Variants in MEGF6 observed in about 807,000 individuals in gnomAD.
MEGF6 encodes multiple epidermal growth factor-like domains protein 6.
Under a neutral mutation model 207.1 loss-of-function variants are expected in MEGF6, and 184 were observed. The ratio of observed to expected loss-of-function variants is 0.89; its 90% CI spans 0.79 to 1.00. The LOEUF (loss-of-function observed/expected upper bound fraction) is 1.00. MEGF6 is among the 50% of genes least tolerant of loss of function. The pLI, the probability that MEGF6 is intolerant of heterozygous loss-of-function variation, is 0.00. For synonymous variants in MEGF6, 1,038 were observed against 910.0 expected (o/e 1.14, Z -2.53); for missense variants, 2,282 against 2,202.9 (o/e 1.04, Z -0.72).
intron 7 of MEGF6, among the ~76,000 whole-genome samples, chr1:3,512,855 C>T (rs778777750): frequency 2.5e-4 from 38 of 152,240 alleles, no homozygotes; most frequent in Non-Finnish European, 5.0e-4. Context: ...TCTGGACACA[C>T]ACCGCTGCCT....
intron 4 of MEGF6, among the ~76,000 whole-genome samples, chr1:3,567,509 G>A (rs1391537280): frequency 6.6e-6 from 1 of 151,724 alleles, no homozygotes; most frequent in Non-Finnish European, 1.5e-5. Context: ...GATCCCTCCT[G>A]CACCCCCAGC....
chr1:3,578,118 G>T (rs1004000547), intron 4 of MEGF6, among the ~76,000 whole-genome samples: 1 of 152,096 alleles, frequency 6.6e-6, no homozygotes, highest in Non-Finnish European at 1.5e-5. Context: ...CAGAGGACAC[G>T]GCCAGGAAAG....
intron 3 of MEGF6, among the ~76,000 whole-genome samples, chr1:3,584,199 GC>G (rs1643864912): frequency 6.6e-6 from 1 of 152,320 alleles, no homozygotes; most frequent in Non-Finnish European, 1.5e-5. Flanking sequence ...CCTCTTTAAT[GC>G]CCCCCACTTT....
rs767023308 is a variant in MEGF6, at chr1:3,505,532, G to A, written c.1943C>T (p.Pro648Leu). The A allele has an allele frequency of 1.9e-5, 31 of 1,591,430 alleles. No homozygotes were observed. The highest frequency in any genetic ancestry group is 3.5e-5 in the Admixed American group (2 of 57,576). ...ACACTGGCACTCCTCCGAGCAGCCC[G>A]GCCCAAAGGCCCACGGCGGGCAGGC... ...HLTCPPWAFG[P>L]GCSEECQCVQ... Residue 648 changes from proline (P) to leucine (L), a missense_variant, in exon 16 of 37, where the codon CCG becomes CTG. Coordinates refer to ENST00000356575, the MANE Select transcript of MEGF6 (RefSeq NM_001409.4).
Position 3,524,121 on chromosome 1 carries a change from C to G in MEGF6, c.604+3G>C, listed in dbSNP as rs749825020. 1.2e-6 allele frequency: 2 copies of G among 1,611,312 alleles called. No homozygotes were observed. Among genetic ancestry groups the G allele is most frequent in the East Asian group, 4.5e-5 (2 of 44,840 alleles). On this transcript the variant is annotated splice_donor_region_variant and intron_variant, in intron 5 of 36. Coordinates refer to ENST00000356575, the MANE Select transcript of MEGF6 (RefSeq NM_001409.4). ...CCAGGCAGGGTCTCCAGGCGACACT[C>G]ACCCAGGCAGGTCCTGCTGTCAGTG...
chr1:3,581,894 CCT>C (rs1157928563), intron 3 of MEGF6, among the ~76,000 whole-genome samples: 2 of 152,192 alleles, frequency 1.3e-5, no homozygotes, highest in Non-Finnish European at 2.9e-5. Flanking sequence ...TGCACACCAC[CCT>C]GTGTCCCTCC....
chr1:3,491,876 A>G (rs1238034804), intron 35 of MEGF6, among the ~76,000 whole-genome samples: 1 of 151,708 alleles, frequency 6.6e-6, no homozygotes, highest in Non-Finnish European at 1.5e-5. Context: ...GGACAGCCTC[A>G]GGGTCCTGAA....
chr1:3,579,843 C>T lies in MEGF6; in HGVS notation c.463G>A (p.Gly155Arg), dbSNP rs749475980. ...CACTCACCATACTGACAGCGGGGTCCCTGGAAGCCGGGGGGACAGTGACAC... is the reference window on the plus strand; with the variant it reads ...CACTCACCATACTGACAGCGGGGTCTCTGGAAGCCGGGGGGACAGTGACAC... Reference protein sequence around the residue: ...QPCHCPPGFQGPRCQYDVDEC... With the variant: ...QPCHCPPGFQRPRCQYDVDEC... Residue 155 changes from glycine to arginine, a missense_variant, in exon 4 of 37, where the codon GGA becomes AGA. Coordinates refer to ENST00000356575, the MANE Select transcript of MEGF6 (RefSeq NM_001409.4). The T allele has an allele frequency of 2.0e-6, 3 of 1,529,368 alleles. No individual in the cohort carries two copies. The highest frequency in any genetic ancestry group is 2.3e-5 in the Admixed American group (1 of 43,344). The allele number at this position is 1,529,368 out of a possible 1,614,324, so 94.7% of individuals were successfully genotyped here. A position where few individuals can be genotyped will look rare whatever the true frequency, so the allele number is the denominator to read the frequency against.
intron 5 of MEGF6, among the ~76,000 whole-genome samples, chr1:3,518,070 G>A (rs890378010): frequency 6.6e-6 from 1 of 152,222 alleles, no homozygotes; most frequent in Non-Finnish European, 1.5e-5. Context: ...CAGATCAGAT[G>A]CAACTGACTG....
rs560689472 is a variant in MEGF6, at chr1:3,557,382, C to T, written c.481+22443G>A. Among the ~76,000 whole-genome samples the T allele has an allele frequency of 3.3e-5, 5 of 152,322 alleles. No individual in the cohort carries two copies. The East Asian group carries it at 7.7e-4, about 24-fold the overall frequency. ...CCCGCAGAGCTCTGCAGGCTGCTCC[C>T]GGCTGCAGCTGCCCTTGGCTCCCAG... On this transcript the variant is annotated intron_variant, in intron 4 of 36. Transcript: ENST00000356575.
intron 36 of MEGF6, 63 bp from the exon 37 acceptor site, chr1:3,490,652 G>A: frequency 6.4e-7 from 1 of 1,561,296 alleles, no homozygotes; most frequent in Non-Finnish European, 8.7e-7. Context: ...AACAGACTGG[G>A]TTCTGGGTTG....
rs1016930933 is a variant in MEGF6, at chr1:3,521,068, G to A, written c.604+3056C>T. ...AACCGCAGAGCCTCAAGCCCGTGGG[G>A]GCATGTTCCTTGTCCCCCTGCAAAG... On this transcript the variant is annotated intron_variant, in intron 5 of 36. Transcript: ENST00000356575. Among the ~76,000 whole-genome samples the A allele has an allele frequency of 2.0e-5, 3 of 152,276 alleles. No homozygotes were observed. In the South Asian group the frequency reaches 6.2e-4, roughly 32 times the overall value.
chr1:3,508,023 G>A (rs1367240633), intron 13 of MEGF6, 100 bp from the exon 14 acceptor site: 2 of 1,365,380 alleles, frequency 1.5e-6, no homozygotes, highest in Non-Finnish European at 2.0e-6. Flanking sequence ...CAGTTGCCTA[G>A]AGATAAAATG....
intron 35 of MEGF6, among the ~76,000 whole-genome samples, chr1:3,491,395 C>T (rs114256420): frequency 0.01 from 1,579 of 152,220 alleles, 27 homozygotes; most frequent in African/African-American, 0.037. Context: ...CAGATGACCA[C>T]TAGATGCCGC....
At chr1:3,567,015 G>A (rs1318467233) in intron 4 of MEGF6, among the ~76,000 whole-genome samples, 2 of 152,250 alleles carry the variant, frequency 1.3e-5, no homozygotes, top group African/African-American at 4.8e-5. Context: ...TCCTGGCCAG[G>A]TGTAGCACCC....
chr1:3,563,280 C>T lies in MEGF6; in HGVS notation c.481+16545G>A, dbSNP rs181163069. Among the ~76,000 whole-genome samples the T allele has an allele frequency of 4.2e-3, 635 of 149,830 alleles. 3 individuals are homozygous for T. Among genetic ancestry groups the T allele is most frequent in the African/African-American group, 0.015 (579 of 39,288 alleles). ...CCCTGTCACTCACATATGGCCACGA[C>T]GCTGGGCACTGCAGGCCCAGAGTCA... On this transcript the variant is annotated intron_variant, in intron 4 of 36. Transcript: ENST00000356575.
intron 1 of MEGF6, among the ~76,000 whole-genome samples, chr1:3,605,134 CCA>C (rs200877839): frequency 3.7e-5 from 5 of 133,956 alleles, no homozygotes; most frequent in East Asian, 2.3e-4. Context: ...ATACACACAC[CCA>C]CACACAGTCA....
chr1:3,538,999 G>GGAGGCTTCCT (rs1285701030), intron 4 of MEGF6, among the ~76,000 whole-genome samples: 3 of 152,212 alleles, frequency 2.0e-5, no homozygotes, highest in Non-Finnish European at 4.4e-5. Flanking sequence ...GAGGCTTCCT[G>GGAGGCTTCCT]GAGGAGGTGG....
At chr1:3,514,204 C>T (rs1400943739) in intron 7 of MEGF6, among the ~76,000 whole-genome samples, 10 of 151,166 alleles carry the variant, frequency 6.6e-5, no homozygotes, top group Admixed American at 2.0e-4. Flanking sequence ...GCTGAGATCA[C>T]GCCACTGCAC....
Sources: allele counts gnomAD v4.1 joint callset (sites outside exome capture counted in the v4.1 genomes callset), GRCh38; gene constraint gnomAD v4.1.1; transcripts MANE v1.5; gene names NCBI Gene and HGNC (gene_info 2026-07-23, HGNC 2026-07-21).